The following E2F3 variants were observed in gnomAD, a reference collection of about 807,000 sequenced individuals.
The protein encoded by E2F3 is transcription factor E2F3.
A neutral mutation model predicts 44.4 loss-of-function variants in E2F3; 11 were observed. That is an observed-to-expected ratio of 0.25 (90% CI 0.16 to 0.41). E2F3 has a LOEUF of 0.41. Ranked by LOEUF, E2F3 falls within the 10% of genes least tolerant of loss-of-function variation. E2F3 has a pLI of 1.00. For synonymous variants in E2F3, 249 were observed against 253.0 expected, an observed-to-expected ratio of 0.98 and a Z score of 0.15; for missense variants, 487 against 583.6, an observed-to-expected ratio of 0.83 and a Z score of 1.70.
intron 1 of E2F3, among the ~76,000 whole-genome samples, chr6:20,466,206 A>G (rs889779044): frequency 2.0e-5 from 3 of 151,980 alleles, no homozygotes; most frequent in Admixed American, 1.3e-4. Context: ...TCCACCTCCT[A>G]GGTTCAAGCG....
chr6:20,453,680 A>C (rs1482009206), intron 1 of E2F3, among the ~76,000 whole-genome samples: 1 of 152,170 alleles, frequency 6.6e-6, no homozygotes, highest in Non-Finnish European at 1.5e-5. Context: ...AAGTGCTGAG[A>C]TTATAGGCAG....
At chr6:20,411,278 T>G (rs1561847323) in intron 1 of E2F3, among the ~76,000 whole-genome samples, 1 of 152,222 alleles carries the variant, frequency 6.6e-6, no homozygotes, top group Non-Finnish European at 1.5e-5. Context: ...TCAGGGTGTC[T>G]GAGCTGCTGG....
At chr6:20,477,632 A>G (rs1762090247) in intron 1 of E2F3, among the ~76,000 whole-genome samples, 1 of 152,194 alleles carries the variant, frequency 6.6e-6, no homozygotes, top group Non-Finnish European at 1.5e-5. Flanking sequence ...AATGCATCTT[A>G]GGTATGCTCT....
At chr6:20,427,529 A>C (rs1183817305) in intron 1 of E2F3, among the ~76,000 whole-genome samples, 1 of 152,084 alleles carries the variant, frequency 6.6e-6, no homozygotes, top group Non-Finnish European at 1.5e-5. Context: ...CTCATTTGTC[A>C]AATAAAAGTG....
chr6:20,443,078 C>A (rs1217721595), intron 1 of E2F3, among the ~76,000 whole-genome samples: 7 of 152,152 alleles, frequency 4.6e-5, no homozygotes. Context: ...AGGAAACAAA[C>A]CTGTCTGTCA....
intron 1 of E2F3, among the ~76,000 whole-genome samples, chr6:20,467,316 A>G (rs1761746618): frequency 6.6e-6 from 1 of 152,122 alleles, no homozygotes; most frequent in Non-Finnish European, 1.5e-5. Flanking sequence ...CATGGCATGA[A>G]TACAAAGTGT....
intron 1 of E2F3, among the ~76,000 whole-genome samples, chr6:20,452,111 G>C (rs779247723): frequency 2.0e-5 from 3 of 152,156 alleles, no homozygotes; most frequent in Non-Finnish European, 4.4e-5. Flanking sequence ...TTTTGGACTA[G>C]TTACAGTGGG....
intron 1 of E2F3, among the ~76,000 whole-genome samples, chr6:20,452,992 T>TC (rs1299445893): frequency 0.17 from 480 of 2,762 alleles, 19 homozygotes; most frequent in East Asian, 0.51. Flanking sequence ...TTTCTTTCTT[T>TC]TTGTTTGTTT....
chr6:20,490,389 T>A lies in E2F3; in HGVS notation c.1357T>A (p.Leu453Met). Residue 453 changes from leucine to methionine, a missense_variant, in exon 7 of 7, where the codon TTG (leucine) becomes ATG (methionine). Coordinates refer to ENST00000346618, the MANE Select transcript of E2F3 (RefSeq NM_001949.5). This position sits in a 1 kb window ranked among gnomAD's most constrained non-coding sequence, Gnocchi z 4.3. ...GISDLFDAYD[L>M]EKLPLVEDFM... Reference sequence around the variant, plus strand: ...CAGCGATCTCTTCGATGCTTACGATTTGGAAAAGCTCCCACTGGTGGAAGA... The same window carrying A: ...CAGCGATCTCTTCGATGCTTACGATATGGAAAAGCTCCCACTGGTGGAAGA... The A allele has an allele frequency of 6.2e-7, 1 of 1,604,202 alleles. No individual in the cohort carries two copies. Among genetic ancestry groups the A allele is most frequent in the East Asian group, 2.2e-5 (1 of 44,714 alleles).
Position 20,402,761 on chromosome 6 carries a change from A to C in E2F3, c.393+136A>C. On this transcript the variant is annotated intron_variant, in intron 1 of 6. Transcript: ENST00000346618. The surrounding 1 kb of genome is among the most constrained non-coding windows in gnomAD (Gnocchi z 5.6). ...GTGGGCCTCGGGGGCTGCCCCTCCAACGAGGGTTCATTGTTAGACCTGAGT... is the reference window on the plus strand; with the variant it reads ...GTGGGCCTCGGGGGCTGCCCCTCCACCGAGGGTTCATTGTTAGACCTGAGT... The C allele has an allele frequency of 8.1e-7, 1 of 1,240,264 alleles. No individual in the cohort carries two copies. The highest frequency in any genetic ancestry group is 1.0e-6 in the Non-Finnish European group (1 of 991,842). The allele number at this position is 1,240,264 out of a possible 1,614,324, so 76.8% of individuals were successfully genotyped here.
chr6:20,431,695 C>T (rs555068590), intron 1 of E2F3, among the ~76,000 whole-genome samples: 3 of 152,172 alleles, frequency 2.0e-5, no homozygotes, highest in South Asian at 2.1e-4. Flanking sequence ...AATACACCCA[C>T]CTCACTCTCC....
At chr6:20,482,993 AT>A in intron 4 of E2F3, 73 bp downstream of exon 4, 1 of 1,595,304 alleles carries the variant, frequency 6.3e-7, no homozygotes, top group East Asian at 2.2e-5. Context: ...AATCTGACTT[AT>A]GCACAAGGTA....
intron 1 of E2F3, among the ~76,000 whole-genome samples, chr6:20,464,876 C>T (rs983293308): frequency 2.6e-5 from 4 of 152,164 alleles, no homozygotes; most frequent in Non-Finnish European, 5.9e-5. Flanking sequence ...AGGTTTCGGT[C>T]GTACAATTCA....
intron 1 of E2F3, among the ~76,000 whole-genome samples, chr6:20,430,171 T>C (rs1760352793): frequency 6.6e-6 from 1 of 152,258 alleles, no homozygotes. Flanking sequence ...CAAGTTCAAT[T>C]TGAATTTCAG....
chr6:20,431,113 G>A (rs1472941148), intron 1 of E2F3, among the ~76,000 whole-genome samples: 1 of 152,174 alleles, frequency 6.6e-6, no homozygotes, highest in Admixed American at 6.5e-5. Flanking sequence ...GAATTCACAA[G>A]AGTGTGCTGA....
At chr6:20,436,022 C>G (rs60885944) in intron 1 of E2F3, among the ~76,000 whole-genome samples, 4,265 of 148,932 alleles carry the variant, frequency 0.029, 207 homozygotes, top group African/African-American at 0.1. Flanking sequence ...TCTCTGTTGC[C>G]CAGGCTGGAG....
chr6:20,406,463 G>A (rs1759496425), intron 1 of E2F3, among the ~76,000 whole-genome samples: 1 of 152,120 alleles, frequency 6.6e-6, no homozygotes, highest in Admixed American at 6.5e-5. Flanking sequence ...GTAAGGCCAG[G>A]TGCACATTGT....
At position 20,491,674 on chromosome 6, in the gene E2F3, T is replaced by A. The variant is rs185351691; in HGVS notation, c.*1244T>A. On this transcript the variant is annotated 3_prime_UTR_variant, in exon 7 of 7. Coordinates refer to ENST00000346618, the MANE Select transcript of E2F3 (RefSeq NM_001949.5). ...GGAGAGACCTCTAGGGAGAAAGACA[T>A]CCCCATTGTGTGAGTGGCATTTCCT... The A allele has an allele frequency of 7.8e-4, 145 of 185,696 alleles. No individual in the cohort carries two copies. Among genetic ancestry groups the A allele is most frequent in the Non-Finnish European group, 7.2e-4 (63 of 87,402 alleles). 11.5% of individuals were successfully genotyped at this position (185,696 alleles called of 1,614,324 possible).
chr6:20,426,557 T>A (rs868460984), intron 1 of E2F3, among the ~76,000 whole-genome samples: 21 of 152,154 alleles, frequency 1.4e-4, no homozygotes, highest in Non-Finnish European at 3.1e-4. Context: ...CTTATTCCAT[T>A]CCCAGCCTCT....
Sources: gnomAD v4.1 joint callset for allele counts (sites outside exome capture counted in the v4.1 genomes callset) on GRCh38, gnomAD v4.1.1 for gene constraint, Gnocchi (gnomAD v3.1) non-coding constraint, MANE v1.5 for transcripts, NCBI Gene and HGNC (gene_info 2026-07-23, HGNC 2026-07-21) for gene names.